Variants in ASPRV1 observed in about 807,000 individuals in gnomAD.
ASPRV1 encodes aspartic peptidase retroviral like 1.
Under a neutral mutation model 11.0 loss-of-function variants are expected in ASPRV1, and 7 were observed. The observed-to-expected ratio is 0.64, with a 90% CI of 0.36 to 1.20. The LOEUF (loss-of-function observed/expected upper bound fraction) is 1.20, where lower values mean the gene tolerates loss of function less well. Ranked by LOEUF, ASPRV1 falls within the 50% of genes most tolerant of loss-of-function variation. ASPRV1 has a pLI of 0.02. For synonymous variants in ASPRV1, 136 were observed against 138.4 expected (o/e 0.98, Z 0.12); for missense variants, 299 against 320.0 (o/e 0.93, Z 0.50).
chr2:70,053,577 A>G, the ASPRV1 span, among the ~76,000 whole-genome samples: 1 of 152,222 alleles, frequency 6.6e-6, no homozygotes, highest in South Asian at 2.1e-4. Flanking sequence ...CCTAAAGCAC[A>G]TTCAGGTCCA....
At chr2:70,067,918 G>A in the ASPRV1 span, among the ~76,000 whole-genome samples, 1 of 152,198 alleles carries the variant, frequency 6.6e-6, no homozygotes, top group East Asian at 1.9e-4. Context: ...GGCAGGAGGA[G>A]AAGCTTACAA....
chr2:70,071,534 G>A, the ASPRV1 span: 2 of 152,064 alleles, frequency 1.3e-5, no homozygotes, highest in African/African-American at 4.8e-5. Context: ...CTGAGGTCAG[G>A]AGTTCCAGAC....
the ASPRV1 span, among the ~76,000 whole-genome samples, chr2:70,062,061 G>A: frequency 4.6e-5 from 7 of 151,920 alleles, no homozygotes; most frequent in Admixed American, 3.3e-4. Flanking sequence ...GCTGAGGTGG[G>A]TGGATTGCCT....
At chr2:69,982,716 G>T in the ASPRV1 span, among the ~76,000 whole-genome samples, 2 of 152,258 alleles carry the variant, frequency 1.3e-5, no homozygotes, top group Admixed American at 1.3e-4. Flanking sequence ...GGGCAGTCCT[G>T]GGGGCTGCTT....
chr2:70,085,172 A>T, the ASPRV1 span, among the ~76,000 whole-genome samples: 40 of 152,284 alleles, frequency 2.6e-4, no homozygotes, highest in African/African-American at 9.6e-4. Flanking sequence ...GGGAGGCAAG[A>T]GTCAAGCCCA....
the ASPRV1 span, chr2:69,938,184 G>T: frequency 6.2e-7 from 1 of 1,614,216 alleles, no homozygotes; most frequent in Non-Finnish European, 8.5e-7. Flanking sequence ...TCTGACGAGC[G>T]GGGCAGCATG....
At chr2:69,979,999 G>A in the ASPRV1 span, among the ~76,000 whole-genome samples, 1 of 152,302 alleles carries the variant, frequency 6.6e-6, no homozygotes, top group South Asian at 2.1e-4. Context: ...AAAATAGAAT[G>A]AGATTTCCCC....
the ASPRV1 span, among the ~76,000 whole-genome samples, chr2:70,010,040 T>A: frequency 1.3e-5 from 2 of 151,778 alleles, no homozygotes; most frequent in African/African-American, 4.8e-5. Context: ...TGGGGTGTGG[T>A]AGGGGCAAAG....
chr2:70,065,290 C>A, the ASPRV1 span, among the ~76,000 whole-genome samples: 5 of 146,868 alleles, frequency 3.4e-5, no homozygotes, highest in African/African-American at 1.0e-4. Context: ...ACTCAGGAGG[C>A]TGAGGCAGAA....
At chr2:70,079,309 C>CAA in the ASPRV1 span, among the ~76,000 whole-genome samples, 3 of 140,108 alleles carry the variant, frequency 2.1e-5, no homozygotes, top group Admixed American at 1.4e-4. Context: ...CCTGTCTCTA[C>CAA]AAAAAAAAAA....
chr2:69,992,865 C>T, the ASPRV1 span, among the ~76,000 whole-genome samples: 4 of 152,140 alleles, frequency 2.6e-5, no homozygotes, highest in Middle Eastern at 3.2e-3. Flanking sequence ...ACGTGCATTA[C>T]GTAGTAATCT....
At chr2:69,959,823 G>A (rs538669818), downstream of ASPRV1, among the ~76,000 whole-genome samples, 2 of 152,266 alleles carry the variant, frequency 1.3e-5, no homozygotes, top group East Asian at 3.9e-4. Context: ...GGTCACTTTT[G>A]GGTATAGAGG....
chr2:70,017,975 A>G, the ASPRV1 span: 17 of 152,056 alleles, frequency 1.1e-4, no homozygotes, highest in South Asian at 4.2e-4. Context: ...CCCCATCTCT[A>G]CTAAAATACA....
the ASPRV1 span, among the ~76,000 whole-genome samples, chr2:70,066,190 A>G: frequency 6.6e-6 from 1 of 152,064 alleles, no homozygotes; most frequent in Non-Finnish European, 1.5e-5. Context: ...CCCAGGAGAC[A>G]GAGACTCTGT....
chr2:69,939,548 T>C, the ASPRV1 span: 1 of 152,672 alleles, frequency 6.5e-6, no homozygotes, highest in Non-Finnish European at 1.5e-5. Context: ...ACTAATGTAA[T>C]GGAAAACAAA....
At chr2:69,997,344 G>A in the ASPRV1 span, among the ~76,000 whole-genome samples, 10 of 152,020 alleles carry the variant, frequency 6.6e-5, no homozygotes, top group Non-Finnish European at 1.0e-4. Context: ...ACCGACCTAG[G>A]CCTAGAGATC....
At chr2:69,999,633 G>A in the ASPRV1 span, among the ~76,000 whole-genome samples, 3 of 134,026 alleles carry the variant, frequency 2.2e-5, no homozygotes, top group East Asian at 6.9e-4. Context: ...TCCAGCCTGA[G>A]TGACAGAGCA....
At chr2:69,975,037 A>G in the ASPRV1 span, among the ~76,000 whole-genome samples, 1 of 152,208 alleles carries the variant, frequency 6.6e-6, no homozygotes, top group East Asian at 1.9e-4. Flanking sequence ...CACACGCGAC[A>G]AACTCCCACA....
At chr2:70,014,089 A>C in the ASPRV1 span, among the ~76,000 whole-genome samples, 1 of 152,218 alleles carries the variant, frequency 6.6e-6, no homozygotes, top group Non-Finnish European at 1.5e-5. Context: ...GTAGAAGAGC[A>C]TATCATTGGA....
Sources: allele counts gnomAD v4.1 joint callset (sites outside exome capture counted in the v4.1 genomes callset), GRCh38; gene constraint gnomAD v4.1.1; transcripts MANE v1.5; gene names NCBI Gene and HGNC (gene_info 2026-07-23, HGNC 2026-07-21).